NFAT5: variants seen among roughly 807,000 people sequenced by gnomAD.
NFAT5 encodes nuclear factor of activated T-cells 5.
In NFAT5, 31 loss-of-function variants were observed where a neutral mutation model predicts 166.5. The observed-to-expected ratio is 0.19, with a 90% confidence interval of 0.14 to 0.25. The LOEUF is 0.25. Ranked by LOEUF, NFAT5 falls within the 10% of genes least tolerant of loss-of-function variation. NFAT5 has a pLI of 1.00. For synonymous variants in NFAT5, 612 were observed against 639.7 expected (o/e 0.96, Z 0.65); for missense variants, 1,449 against 1,821.8 (o/e 0.80, Z 3.72).
intron 2 of NFAT5, among the ~76,000 whole-genome samples, chr16:69,598,790 T>A (rs1374093486): frequency 6.6e-6 from 1 of 151,906 alleles, no homozygotes; most frequent in Non-Finnish European, 1.5e-5. Context: ...TTTGGGAGGC[T>A]GAGGTGGGTG....
In NFAT5 at chr16:69,595,308, T is replaced by C. The variant is rs149525903; in HGVS notation, c.127+26760T>C. Among the ~76,000 whole-genome samples the C allele has an allele frequency of 2.2e-3, 339 of 152,322 alleles. 2 individuals are homozygous for C. The highest frequency in any genetic ancestry group is 5.8e-3 in the South Asian group (28 of 4,824). On this transcript the variant is annotated intron_variant, in intron 2 of 14. Transcript: ENST00000349945. ...AGATGATACAGTGCCGATGTGATGATATTAAGTGAGGTGCATCACGTAGGC... is the reference window on the plus strand; with the variant it reads ...AGATGATACAGTGCCGATGTGATGACATTAAGTGAGGTGCATCACGTAGGC...
At chr16:69,568,634 T>G in intron 2 of NFAT5, 86 bp downstream of exon 2, 1 of 1,088,876 alleles carries the variant, frequency 9.2e-7, no homozygotes, top group Non-Finnish European at 1.3e-6. Flanking sequence ...AGTATGAAAC[T>G]TTGCAAACTC....
At chr16:69,631,416 G>C (rs560309979) in intron 3 of NFAT5, among the ~76,000 whole-genome samples, 1 of 152,130 alleles carries the variant, frequency 6.6e-6, no homozygotes, top group South Asian at 2.1e-4. Context: ...GGGCGATAGA[G>C]TGAGACTCCA....
chr16:69,578,873 A>G (rs2142921812), intron 2 of NFAT5, among the ~76,000 whole-genome samples: 1 of 152,086 alleles, frequency 6.6e-6, no homozygotes, highest in South Asian at 2.1e-4. Flanking sequence ...TTGCATCTGA[A>G]TAAGTTTTTT....
At chr16:69,610,019 G>A (rs1355811426) in intron 2 of NFAT5, among the ~76,000 whole-genome samples, 1 of 148,244 alleles carries the variant, frequency 6.7e-6, no homozygotes, top group African/African-American at 2.5e-5. Context: ...GAGAGAGAGA[G>A]ACAGATAGAG....
intron 3 of NFAT5, among the ~76,000 whole-genome samples, chr16:69,637,900 A>AT (rs1383909788): frequency 2.0e-5 from 3 of 152,174 alleles, no homozygotes; most frequent in African/African-American, 7.2e-5. Flanking sequence ...TAATGAAGTG[A>AT]TTTAAGTTGC....
At position 69,702,393 on chromosome 16, in the gene NFAT5, A is replaced by C. The variant is rs1487865819; in HGVS notation, c.*6042A>C. 2 of 152,322 alleles carry C rather than the reference A, an allele frequency of 1.3e-5. No individual in the cohort carries two copies. Among genetic ancestry groups the C allele is most frequent in the Admixed American group, 6.5e-5 (1 of 15,270 alleles). The allele number at this position is 152,322 out of a possible 1,614,324, so 9.4% of individuals were successfully genotyped here. ...TTTAGCACATCATTTTAGAAACGTCACATTTTAGAAACATTCAGCTTGCTA... is the reference window on the plus strand; with the variant it reads ...TTTAGCACATCATTTTAGAAACGTCCCATTTTAGAAACATTCAGCTTGCTA... On this transcript the variant is annotated 3_prime_UTR_variant, in exon 15 of 15. Transcript: ENST00000349945.
intron 2 of NFAT5, among the ~76,000 whole-genome samples, chr16:69,607,180 T>A (rs985074629): frequency 6.6e-5 from 10 of 152,198 alleles, no homozygotes; most frequent in African/African-American, 2.4e-4. Context: ...AAGTAACTTG[T>A]CCAAGGTCAC....
At chr16:69,661,177 A>C (rs1377877755) in intron 7 of NFAT5, among the ~76,000 whole-genome samples, 1 of 148,028 alleles carries the variant, frequency 6.8e-6, no homozygotes, top group Non-Finnish European at 1.5e-5. Context: ...AGACCAGCCG[A>C]GGCTGGTCTC....
At chr16:69,604,992 A>T (rs2033329195) in intron 2 of NFAT5, among the ~76,000 whole-genome samples, 1 of 152,176 alleles carries the variant, frequency 6.6e-6, no homozygotes, top group Non-Finnish European at 1.5e-5. Context: ...GGCCATTGTG[A>T]ATAGTGTTGC....
chr16:69,566,224 G>A lies in NFAT5; in HGVS notation c.-78G>A. ...TCGCCGCCCCCGGTTCGGTGCCCGC[G>A]GTCCCGGAGAGGAGGTGCCGCCGCC... On this transcript the variant is annotated 5_prime_UTR_variant, in exon 1 of 15. Coordinates refer to ENST00000349945, the MANE Select transcript of NFAT5 (RefSeq NM_138713.4). The surrounding 1 kb of genome is among the most constrained non-coding windows in gnomAD (Gnocchi z 5.7). 2 of 1,373,302 alleles carry A rather than the reference G, an allele frequency of 1.5e-6. No homozygotes were observed. The highest frequency in any genetic ancestry group is 2.0e-6 in the Non-Finnish European group (2 of 994,164). 85.1% of individuals were successfully genotyped at this position (1,373,302 alleles called of 1,614,324 possible).
intron 3 of NFAT5, among the ~76,000 whole-genome samples, chr16:69,641,818 C>G (rs2151611091): frequency 6.6e-6 from 1 of 152,254 alleles, no homozygotes; most frequent in Middle Eastern, 3.4e-3. Flanking sequence ...TTATTTCAGT[C>G]TGGGCATGGT....
chr16:69,660,555 G>A (rs1191667060), intron 7 of NFAT5, among the ~76,000 whole-genome samples: 1 of 152,198 alleles, frequency 6.6e-6, no homozygotes, highest in Non-Finnish European at 1.5e-5. Flanking sequence ...CATGAGTAAG[G>A]TAAGCAGAAC....
At chr16:69,594,428 T>G (rs1245839077) in intron 2 of NFAT5, among the ~76,000 whole-genome samples, 41 of 152,224 alleles carry the variant, frequency 2.7e-4, no homozygotes, top group Admixed American at 2.7e-3. Flanking sequence ...TGTTGTATAT[T>G]AATTATAATT....
At chr16:69,596,360 C>A (rs1207471112) in intron 2 of NFAT5, among the ~76,000 whole-genome samples, 2 of 152,014 alleles carry the variant, frequency 1.3e-5, no homozygotes, top group East Asian at 3.9e-4. Context: ...AAAACCCAAA[C>A]GTCCCAGATG....
intron 2 of NFAT5, among the ~76,000 whole-genome samples, chr16:69,614,565 T>C (rs1300177067): frequency 6.6e-6 from 1 of 152,248 alleles, no homozygotes; most frequent in African/African-American, 2.4e-5. Flanking sequence ...TATTGCTTTT[T>C]TTCTGAATCA....
chr16:69,600,162 A>C (rs988655923), intron 2 of NFAT5, among the ~76,000 whole-genome samples: 43 of 152,152 alleles, frequency 2.8e-4, no homozygotes, highest in African/African-American at 9.9e-4. Context: ...AAAAAAAAAA[A>C]ACAAGATATT....
intron 7 of NFAT5, among the ~76,000 whole-genome samples, chr16:69,667,435 CTTCTT>C (rs2036439843): frequency 6.7e-6 from 1 of 150,048 alleles, no homozygotes; most frequent in African/African-American, 2.5e-5. Context: ...ATTCAATATA[CTTCTT>C]TTCTGACTTG....
chr16:69,660,901 C>G (rs1357868138), intron 7 of NFAT5, among the ~76,000 whole-genome samples: 1 of 151,744 alleles, frequency 6.6e-6, no homozygotes, highest in Non-Finnish European at 1.5e-5. Context: ...CTCCACCTCC[C>G]AGGCTCAAGC....
Sources: gnomAD v4.1 joint callset for allele counts (sites outside exome capture counted in the v4.1 genomes callset) on GRCh38, gnomAD v4.1.1 for gene constraint, Gnocchi (gnomAD v3.1) non-coding constraint, MANE v1.5 for transcripts, NCBI Gene and HGNC (gene_info 2026-07-23, HGNC 2026-07-21) for gene names.